The following GRIK1 variants were observed in gnomAD, a reference collection of about 807,000 sequenced individuals.
GRIK1 encodes glutamate receptor ionotropic, kainate 1.
GRIK1 carries 69 observed loss-of-function variants against 105.7 expected under a neutral mutation model. That is an observed-to-expected ratio of 0.65 (90% CI 0.54 to 0.80). The LOEUF (loss-of-function observed/expected upper bound fraction) is 0.80. GRIK1 is among the 30% of genes least tolerant of loss of function. The pLI, the probability that GRIK1 is intolerant of heterozygous loss-of-function variation, is 0.00. For synonymous variants in GRIK1, 438 were observed against 431.3 expected, an observed-to-expected ratio of 1.02 and a Z score of -0.19; for missense variants, 1,109 against 1,167.3, an observed-to-expected ratio of 0.95 and a Z score of 0.73.
intron 1 of GRIK1, among the ~76,000 whole-genome samples, chr21:29,894,039 G>A (rs1011666413): frequency 5.9e-5 from 9 of 152,234 alleles, no homozygotes; most frequent in South Asian, 4.2e-4. Flanking sequence ...GTTTTGTACC[G>A]CTGGTTGTAG....
Position 29,772,433 on chromosome 21 carries a change from A to T in GRIK1, c.119-78370T>A, listed in dbSNP as rs145929746. Among the ~76,000 whole-genome samples the T allele has an allele frequency of 1.2e-4, 19 of 152,336 alleles. No individual in the cohort carries two copies. In the East Asian group the frequency reaches 3.1e-3, roughly 25 times the overall value. On this transcript the variant is annotated intron_variant, in intron 1 of 17. Transcript: ENST00000327783. ...AAGCTAATTTCTAACTTTCCAATAC[A>T]CTAGTGTAAACCATTTCTTACATAC...
chr21:29,757,553 A>AT (rs1017662285), intron 1 of GRIK1, among the ~76,000 whole-genome samples: 1 of 152,160 alleles, frequency 6.6e-6, no homozygotes, highest in South Asian at 2.1e-4. Flanking sequence ...CTATGACTAA[A>AT]TTTTTTCCTA....
At chr21:29,686,003 C>A (rs1246793892) in intron 3 of GRIK1, among the ~76,000 whole-genome samples, 2 of 152,216 alleles carry the variant, frequency 1.3e-5, no homozygotes, top group Non-Finnish European at 2.9e-5. Context: ...CACAGAGAGG[C>A]TAAGAAGAAT....
At chr21:29,866,876 TCAAA>T (rs2068820503) in intron 1 of GRIK1, among the ~76,000 whole-genome samples, 1 of 152,328 alleles carries the variant, frequency 6.6e-6, no homozygotes, top group Admixed American at 6.5e-5. Context: ...ACAAATTTCA[TCAAA>T]CAAAGTACAC....
chr21:29,690,566 A>C (rs1382036798), intron 2 of GRIK1, among the ~76,000 whole-genome samples: 2 of 152,234 alleles, frequency 1.3e-5, no homozygotes, highest in African/African-American at 4.8e-5. Flanking sequence ...CATAGCTTAA[A>C]GGGATCTCAG....
At chr21:29,690,926 G>T (rs940449778) in intron 2 of GRIK1, among the ~76,000 whole-genome samples, 1 of 152,036 alleles carries the variant, frequency 6.6e-6, no homozygotes, top group Non-Finnish European at 1.5e-5. Flanking sequence ...ACTATAGCAT[G>T]TCTTTTTTTC....
At chr21:29,792,270 T>A (rs1048432735) in intron 1 of GRIK1, among the ~76,000 whole-genome samples, 1 of 152,170 alleles carries the variant, frequency 6.6e-6, no homozygotes, top group Non-Finnish European at 1.5e-5. Flanking sequence ...TTCCCTTTGT[T>A]CCATCTGTAA....
intron 3 of GRIK1, among the ~76,000 whole-genome samples, chr21:29,682,051 T>C (rs1385164124): frequency 6.6e-6 from 1 of 152,232 alleles, no homozygotes; most frequent in Admixed American, 6.5e-5. Flanking sequence ...AAGCCTGGGC[T>C]TGAACTCTTC....
At chr21:29,755,430 A>T (rs116159738) in intron 1 of GRIK1, among the ~76,000 whole-genome samples, 4,244 of 152,364 alleles carry the variant, frequency 0.028, 83 homozygotes, top group Middle Eastern at 0.051. Flanking sequence ...ACTAACAGGC[A>T]TTCACTTATT....
At chr21:29,614,424 TTTTTTTG>T (rs2061798669) in intron 7 of GRIK1, among the ~76,000 whole-genome samples, 1 of 134,150 alleles carries the variant, frequency 7.5e-6, no homozygotes, top group Admixed American at 7.5e-5. Flanking sequence ...TTTTTTTTTT[TTTTTTTG>T]GGACGGAGTT....
chr21:29,888,597 A>G (rs1230695166), intron 1 of GRIK1, among the ~76,000 whole-genome samples: 2 of 152,032 alleles, frequency 1.3e-5, no homozygotes, highest in Non-Finnish European at 2.9e-5. Flanking sequence ...AGGTTTTATT[A>G]CAGACTAGTC....
intron 7 of GRIK1, among the ~76,000 whole-genome samples, chr21:29,623,310 A>G (rs2062049785): frequency 1.3e-5 from 2 of 152,166 alleles, no homozygotes; most frequent in African/African-American, 2.4e-5. Flanking sequence ...TCATGATTCA[A>G]TTACCTCTCA....
Position 29,577,194 on chromosome 21 carries a change from C to CA in GRIK1, c.1913-14dup, listed in dbSNP as rs1347716560. On this transcript the variant is annotated splice_polypyrimidine_tract_variant and intron_variant, in intron 13 of 17. Coordinates refer to ENST00000327783, the MANE Select transcript of GRIK1 (RefSeq NM_001330994.2). ...ATCAGCTCTGATCCTGTGATGGTAT[C>CA]ATCAGAGTAAGGGTGTTAAACACAG... 1 of 1,452,322 alleles carries CA rather than the reference C, an allele frequency of 6.9e-7. No homozygotes were observed. Among genetic ancestry groups the CA allele is most frequent in the Admixed American group, 1.7e-5 (1 of 59,828 alleles). The allele number at this position is 1,452,322 out of a possible 1,614,324, so 90.0% of individuals were successfully genotyped here.
At chr21:29,702,161 G>A (rs559948679) in intron 1 of GRIK1, among the ~76,000 whole-genome samples, 1 of 152,284 alleles carries the variant, frequency 6.6e-6, no homozygotes, top group South Asian at 2.1e-4. Context: ...AGGGTGGGAG[G>A]AGGGAGAGGA....
At chr21:29,929,761 T>C (rs2071503896) in intron 1 of GRIK1, among the ~76,000 whole-genome samples, 1 of 152,144 alleles carries the variant, frequency 6.6e-6, no homozygotes, top group Non-Finnish European at 1.5e-5. Context: ...AGTATGTAGG[T>C]TGCTTAAAAA....
chr21:29,929,879 A>G (rs2071508205), intron 1 of GRIK1, among the ~76,000 whole-genome samples: 1 of 152,226 alleles, frequency 6.6e-6, no homozygotes, highest in Admixed American at 6.5e-5. Context: ...GTTCATTGCC[A>G]CGTTATCCAC....
chr21:29,550,974 A>G (rs995274299), intron 16 of GRIK1, among the ~76,000 whole-genome samples: 1 of 152,236 alleles, frequency 6.6e-6, no homozygotes, highest in Admixed American at 6.5e-5. Context: ...ATAATTATTT[A>G]TTGAGTGGCT....
chr21:29,887,981 C>T (rs553855450), intron 1 of GRIK1, among the ~76,000 whole-genome samples: 1 of 151,756 alleles, frequency 6.6e-6, no homozygotes, highest in South Asian at 2.1e-4. Flanking sequence ...ACTAGATTGG[C>T]AACTAGAAGT....
intron 1 of GRIK1, among the ~76,000 whole-genome samples, chr21:29,840,076 G>A (rs1377631595): frequency 1.3e-5 from 2 of 152,102 alleles, no homozygotes; most frequent in Non-Finnish European, 2.9e-5. Flanking sequence ...CAGATGGTGT[G>A]GAGTGGGAAT....
Sources: gnomAD v4.1 joint callset for allele counts (sites outside exome capture counted in the v4.1 genomes callset) on GRCh38, gnomAD v4.1.1 for gene constraint, MANE v1.5 for transcripts, NCBI Gene and HGNC (gene_info 2026-07-23, HGNC 2026-07-21) for gene names.